GABRB1: variants seen among roughly 807,000 people sequenced by gnomAD.
The protein encoded by GABRB1 is gamma-aminobutyric acid type A receptor subunit beta1, also known as gamma-aminobutyric acid receptor subunit beta-1.
A neutral mutation model predicts 51.6 loss-of-function variants in GABRB1; 17 were observed. The ratio of observed to expected loss-of-function variants is 0.33; its 90% CI spans 0.23 to 0.49. GABRB1 has a LOEUF of 0.49. Ranked by LOEUF, GABRB1 falls within the 20% of genes least tolerant of loss-of-function variation. The probability of loss-of-function intolerance (pLI) is 0.99; values close to 1 mark genes in which losing one functional copy is unlikely to be tolerated. For synonymous variants in GABRB1, 247 were observed against 218.9 expected, an observed-to-expected ratio of 1.13 and a Z score of -1.14; for missense variants, 410 against 600.6, an observed-to-expected ratio of 0.68 and a Z score of 3.32.
intron 5 of GABRB1, among the ~76,000 whole-genome samples, chr4:47,352,342 G>A (rs1726381391): frequency 2.6e-5 from 4 of 152,296 alleles, no homozygotes; most frequent in East Asian, 1.9e-4. Flanking sequence ...GAGGTACAAG[G>A]AGGAACTGGT....
intron 4 of GABRB1, among the ~76,000 whole-genome samples, chr4:47,286,540 A>C (rs1723515940): frequency 6.6e-6 from 1 of 152,146 alleles, no homozygotes; most frequent in Non-Finnish European, 1.5e-5. Context: ...GAACACTTCA[A>C]GTCCCCTAAT....
intron 4 of GABRB1, among the ~76,000 whole-genome samples, chr4:47,214,238 G>A (rs1720471723): frequency 6.6e-6 from 1 of 152,158 alleles, no homozygotes. Flanking sequence ...TCTTGGGCCA[G>A]TCCTCAATGT....
At chr4:47,031,519 C>A, upstream of GABRB1, 4 of 707,702 alleles carry the variant, frequency 5.7e-6, no homozygotes, top group Non-Finnish European at 5.0e-6. Flanking sequence ...GTTTGCAAGG[C>A]ACAAGGTGTC....
chr4:47,075,302 C>T (rs1439849832), intron 3 of GABRB1, among the ~76,000 whole-genome samples: 1 of 152,094 alleles, frequency 6.6e-6, no homozygotes, highest in African/African-American at 2.4e-5. Context: ...TGTAAACCAA[C>T]TTTGAAATAT....
chr4:47,148,334 G>A (rs1242243824), intron 3 of GABRB1, among the ~76,000 whole-genome samples: 2 of 151,930 alleles, frequency 1.3e-5, no homozygotes, highest in Non-Finnish European at 2.9e-5. Context: ...CATTCTGTCA[G>A]CTTGGTGGTG....
intron 1 of GABRB1, among the ~76,000 whole-genome samples, chr4:47,008,346 A>T (rs1372943000): frequency 1.3e-5 from 2 of 152,194 alleles, no homozygotes; most frequent in Non-Finnish European, 2.9e-5. Context: ...CGTGGGCTAG[A>T]TGAGATTCTA....
intron 4 of GABRB1, among the ~76,000 whole-genome samples, chr4:47,300,208 T>G (rs1724203990): frequency 6.6e-6 from 1 of 151,998 alleles, no homozygotes; most frequent in African/African-American, 2.4e-5. Flanking sequence ...ACCTGCACAT[T>G]GTGCACATGT....
chr4:47,311,698 G>A (rs547664509), intron 4 of GABRB1, among the ~76,000 whole-genome samples: 1 of 152,288 alleles, frequency 6.6e-6, no homozygotes, highest in Non-Finnish European at 1.5e-5. Context: ...GTTGTTTTAA[G>A]CCACTAAGCT....
intron 4 of GABRB1, among the ~76,000 whole-genome samples, chr4:47,294,488 C>CAG (rs1362513244): frequency 1.1e-4 from 16 of 152,176 alleles, no homozygotes; most frequent in African/African-American, 3.6e-4. Context: ...CCTACGCCCA[C>CAG]AGTCTCGCTC....
chr4:47,346,030 G>A (rs1387716369), intron 5 of GABRB1, among the ~76,000 whole-genome samples: 2 of 142,566 alleles, frequency 1.4e-5, no homozygotes, highest in African/African-American at 2.6e-5. Context: ...GTGGTATAAA[G>A]ATATTGTTGA....
chr4:47,223,153 A>T (rs1444092804), intron 4 of GABRB1, among the ~76,000 whole-genome samples: 1 of 152,062 alleles, frequency 6.6e-6, no homozygotes, highest in African/African-American at 2.4e-5. Flanking sequence ...TTCTTTTTTC[A>T]TGAGAAACAG....
chr4:47,196,190 G>A (rs1459495879), intron 4 of GABRB1, among the ~76,000 whole-genome samples: 1 of 152,216 alleles, frequency 6.6e-6, no homozygotes, highest in African/African-American at 2.4e-5. Flanking sequence ...ACCCTTGAGA[G>A]CTAATCCTTG....
chr4:47,330,849 C>T (rs991828698), intron 5 of GABRB1, among the ~76,000 whole-genome samples: 3 of 152,126 alleles, frequency 2.0e-5, no homozygotes, highest in Admixed American at 1.3e-4. Flanking sequence ...CATGTAAATA[C>T]TCACAAGGAA....
chr4:47,304,263 T>C (rs1248755965), intron 4 of GABRB1, among the ~76,000 whole-genome samples: 4 of 152,084 alleles, frequency 2.6e-5, no homozygotes, highest in Non-Finnish European at 5.9e-5. Flanking sequence ...TCACCAACAG[T>C]GTGCTAGGCT....
chr4:47,284,015 G>T (rs1366735077), intron 4 of GABRB1, among the ~76,000 whole-genome samples: 3 of 150,558 alleles, frequency 2.0e-5, no homozygotes, highest in Non-Finnish European at 4.4e-5. Flanking sequence ...GGAGAATGGC[G>T]TGAACCCGGG....
At chr4:47,378,000 G>T (rs1309216622) in intron 5 of GABRB1, among the ~76,000 whole-genome samples, 2 of 152,252 alleles carry the variant, frequency 1.3e-5, no homozygotes, top group African/African-American at 4.8e-5. Flanking sequence ...CTCGCACTGG[G>T]GCTGCAGGTG....
intron 8 of GABRB1, among the ~76,000 whole-genome samples, chr4:47,423,181 T>A (rs944025683): frequency 5.3e-5 from 8 of 151,798 alleles, no homozygotes; most frequent in African/African-American, 1.9e-4. Context: ...GACACAGATA[T>A]GTTTCATCTG....
At chr4:47,125,636 A>G (rs1334656438) in intron 3 of GABRB1, among the ~76,000 whole-genome samples, 4 of 124,820 alleles carry the variant, frequency 3.2e-5, no homozygotes, top group Non-Finnish European at 6.4e-5. Context: ...GCTCACTGCA[A>G]GCTCCGCCTC....
chr4:47,383,178 G>C (rs1190254067), intron 5 of GABRB1, among the ~76,000 whole-genome samples: 2 of 152,168 alleles, frequency 1.3e-5, no homozygotes, highest in Non-Finnish European at 2.9e-5. Flanking sequence ...AGTTGCTAAG[G>C]CTATCCAACC....
Sources: gnomAD v4.1 joint callset for allele counts (sites outside exome capture counted in the v4.1 genomes callset) on GRCh38, gnomAD v4.1.1 for gene constraint, MANE v1.5 for transcripts, NCBI Gene and HGNC (gene_info 2026-07-23, HGNC 2026-07-21) for gene names.